The following MCF2L2 variants were observed in gnomAD, a reference collection of about 807,000 sequenced individuals.
MCF2L2 encodes probable guanine nucleotide exchange factor MCF2L2.
A neutral mutation model predicts 150.2 loss-of-function variants in MCF2L2; 102 were observed. The ratio of observed to expected loss-of-function variants is 0.68; its 90% CI spans 0.58 to 0.80. MCF2L2 has a LOEUF of 0.80. MCF2L2 is among the 30% of genes least tolerant of loss of function. The pLI, the probability that MCF2L2 is intolerant of heterozygous loss-of-function variation, is 0.00. For synonymous variants in MCF2L2, 465 were observed against 491.3 expected (o/e 0.95, Z 0.71); for missense variants, 1,256 against 1,372.8 (o/e 0.91, Z 1.34).
intron 13 of MCF2L2, among the ~76,000 whole-genome samples, chr3:183,290,178 A>G (rs191844813): frequency 2.6e-5 from 4 of 152,206 alleles, no homozygotes; most frequent in Admixed American, 6.5e-5. Context: ...TTTTACACAC[A>G]TACATGTACA....
In MCF2L2 at chr3:183,402,683, C is replaced by A. The variant is rs1249035193; in HGVS notation, c.77-12904G>T. On this transcript the variant is annotated intron_variant, in intron 1 of 29. Transcript: ENST00000328913. ...AAATGCTTGAAAAAGAGAATTTCTC[C>A]TGGCAGGTATTTTAAAGTTATTATG... Among the ~76,000 whole-genome samples, 3 of 150,060 alleles carry A rather than the reference C, an allele frequency of 2.0e-5. No individual in the cohort carries two copies. The East Asian group carries it at 5.9e-4, about 29-fold the overall frequency.
chr3:183,375,625 G>A (rs1167168146), intron 3 of MCF2L2: 1 of 152,118 alleles, frequency 6.6e-6, no homozygotes, highest in Non-Finnish European at 1.5e-5. Context: ...ATGAATTACT[G>A]TGGGAAGCCT....
chr3:183,419,249 A>G (rs957022438), intron 1 of MCF2L2, among the ~76,000 whole-genome samples: 44 of 152,156 alleles, frequency 2.9e-4, no homozygotes, highest in African/African-American at 1.0e-3. Flanking sequence ...AGAGCAGTGG[A>G]CCCCTGGGCC....
chr3:183,407,470 C>T (rs946008001), intron 1 of MCF2L2, among the ~76,000 whole-genome samples: 3 of 152,144 alleles, frequency 2.0e-5, no homozygotes, highest in Non-Finnish European at 4.4e-5. Context: ...TCTTCCAAAC[C>T]TTAAATATGG....
In MCF2L2 at chr3:183,311,327, A is replaced by G. The variant is rs188323844; in HGVS notation, c.879-298T>C. Among the ~76,000 whole-genome samples, 105 of 151,144 alleles carry G rather than the reference A, an allele frequency of 6.9e-4. 1 individual carries two copies. Among genetic ancestry groups the G allele is most frequent in the African/African-American group, 2.5e-3 (103 of 41,116 alleles). On this transcript the variant is annotated intron_variant, in intron 8 of 29. Coordinates refer to ENST00000328913, the MANE Select transcript of MCF2L2 (RefSeq NM_015078.4). ...CATGCCTTCTTTCTTTCTACCTGAG[A>G]CTACACGAATATAAAGCACAGCTCC...
At chr3:183,357,168 C>T (rs1430929416) in intron 3 of MCF2L2, among the ~76,000 whole-genome samples, 1 of 152,108 alleles carries the variant, frequency 6.6e-6, no homozygotes, top group Non-Finnish European at 1.5e-5. Context: ...CATATCCTCT[C>T]AGAACCATGC....
At chr3:183,359,917 A>G (rs1294027900) in intron 3 of MCF2L2, among the ~76,000 whole-genome samples, 1 of 152,188 alleles carries the variant, frequency 6.6e-6, no homozygotes, top group Admixed American at 6.5e-5. Flanking sequence ...ACATGTGCAA[A>G]AGATGTATCT....
At chr3:183,192,951 A>G (rs751877557) in intron 27 of MCF2L2, 48 bp downstream of exon 27, 2 of 1,407,222 alleles carry the variant, frequency 1.4e-6, no homozygotes, top group African/African-American at 2.8e-5. Context: ...AGCAGCTGGC[A>G]TCACCCCACT....
intron 3 of MCF2L2, among the ~76,000 whole-genome samples, chr3:183,361,533 G>A (rs1482940830): frequency 6.6e-6 from 1 of 152,080 alleles, no homozygotes; most frequent in African/African-American, 2.4e-5. Flanking sequence ...CTCTCCTGCC[G>A]CCATGGTAAG....
intron 25 of MCF2L2, among the ~76,000 whole-genome samples, chr3:183,199,752 C>T (rs1722203589): frequency 6.6e-6 from 1 of 151,020 alleles, no homozygotes; most frequent in African/African-American, 2.4e-5. Context: ...ATGTATATCC[C>T]CTAATGCTAT....
At chr3:183,220,574 G>A (rs1723112629) in intron 20 of MCF2L2, among the ~76,000 whole-genome samples, 1 of 152,152 alleles carries the variant, frequency 6.6e-6, no homozygotes, top group African/African-American at 2.4e-5. Context: ...GAGTGGAATT[G>A]TAAATGTTAA....
At chr3:183,300,872 G>A (rs184341893) in intron 10 of MCF2L2, among the ~76,000 whole-genome samples, 39 of 152,094 alleles carry the variant, frequency 2.6e-4, no homozygotes, top group African/African-American at 9.4e-4. Context: ...AAAATTAGAT[G>A]GGCGTGGTGG....
chr3:183,389,798 A>C lies in MCF2L2; in HGVS notation c.77-19T>G, dbSNP rs766020705. On this transcript the variant is annotated intron_variant, in intron 1 of 29. Transcript: ENST00000328913. ...ATTTCATCTGCACAAATGAAATACA[A>C]AGTGGGTTAGTTAAACATGTGCAAA... 46 of 1,596,984 alleles carry C rather than the reference A, an allele frequency of 2.9e-5. No individual in the cohort carries two copies. The highest frequency in any genetic ancestry group is 3.6e-5 in the Non-Finnish European group (42 of 1,164,604).
At chr3:183,302,410 G>A (rs902091104) in intron 10 of MCF2L2, among the ~76,000 whole-genome samples, 2 of 152,166 alleles carry the variant, frequency 1.3e-5, no homozygotes, top group African/African-American at 2.4e-5. Flanking sequence ...AGGTGAAGGC[G>A]TGTTTGACAA....
chr3:183,379,317 G>A lies in MCF2L2; in HGVS notation c.255C>T (p.Thr85=), dbSNP rs1463021483. The change falls in exon 3 of 30, where the codon ACC becomes ACT. Residue 85 remains threonine, a synonymous_variant. Coordinates refer to ENST00000328913, the MANE Select transcript of MCF2L2 (RefSeq NM_015078.4). ...CTCACCTGGGGATGCTAGTCAGGTAGGTCATGACATTCAGGAAGTCTTCAT... is the reference window on the plus strand; with the variant it reads ...CTCACCTGGGGATGCTAGTCAGGTAAGTCATGACATTCAGGAAGTCTTCAT... ...IPDEDFLNVM[T]YLTSIPSVEA... is the part of the protein sequence containing the mutation. 1 of 1,610,630 alleles carries A rather than the reference G, an allele frequency of 6.2e-7. No individual in the cohort carries two copies. The highest frequency in any genetic ancestry group is 8.5e-7 in the Non-Finnish European group (1 of 1,178,594).
At chr3:183,364,114 T>C (rs1712375580) in intron 3 of MCF2L2, among the ~76,000 whole-genome samples, 1 of 152,174 alleles carries the variant, frequency 6.6e-6, no homozygotes, top group African/African-American at 2.4e-5. Flanking sequence ...AGACAATTCA[T>C]AGACTTAAAC....
intron 1 of MCF2L2, among the ~76,000 whole-genome samples, chr3:183,417,540 T>C (rs1161406003): frequency 6.6e-6 from 1 of 152,244 alleles, no homozygotes; most frequent in African/African-American, 2.4e-5. Flanking sequence ...TGCTCTTTGT[T>C]TTCCATATGG....
At chr3:183,418,160 C>T (rs370226358) in intron 1 of MCF2L2, among the ~76,000 whole-genome samples, 1 of 152,100 alleles carries the variant, frequency 6.6e-6, no homozygotes, top group East Asian at 1.9e-4. Flanking sequence ...TCCACTACAG[C>T]CTGGGTGACA....
At chr3:183,381,555 G>A (rs4859179) in intron 2 of MCF2L2, among the ~76,000 whole-genome samples, 99,705 of 152,128 alleles carry the variant, frequency 0.66, 34,721 homozygotes, top group Admixed American at 0.76. Context: ...AGTATATTAT[G>A]TAAAGAATAA....
Sources: gnomAD v4.1 joint callset for allele counts (sites outside exome capture counted in the v4.1 genomes callset) on GRCh38, gnomAD v4.1.1 for gene constraint, MANE v1.5 for transcripts, NCBI Gene and HGNC (gene_info 2026-07-23, HGNC 2026-07-21) for gene names.